The following KCMF1 variants were observed in gnomAD, a reference collection of about 807,000 sequenced individuals.
KCMF1 encodes the protein E3 ubiquitin-protein ligase KCMF1.
KCMF1 carries 3 observed loss-of-function variants against 41.1 expected under a neutral mutation model. The observed-to-expected ratio is 0.07, with a 90% CI of 0.03 to 0.19. KCMF1 has a LOEUF of 0.19. KCMF1 is among the 10% of genes least tolerant of loss of function. The pLI, the probability that KCMF1 is intolerant of heterozygous loss-of-function variation, is 1.00. For missense variants in KCMF1, 286 were observed against 488.9 expected, an observed-to-expected ratio of 0.58 and a Z score of 3.91; for synonymous variants, 142 against 164.5, an observed-to-expected ratio of 0.86 and a Z score of 1.04.
chr2:85,017,518 T>C (rs1222627660), intron 1 of KCMF1, among the ~76,000 whole-genome samples: 2 of 152,116 alleles, frequency 1.3e-5, no homozygotes, highest in Admixed American at 6.6e-5. Flanking sequence ...CTTGAAGAGA[T>C]AATACACAGA....
intron 1 of KCMF1, among the ~76,000 whole-genome samples, chr2:84,982,420 T>G (rs994421608): frequency 9.4e-5 from 12 of 128,152 alleles, no homozygotes; most frequent in African/African-American, 3.0e-4. Context: ...TTTTTTTTTT[T>G]TTGAGCCAGT....
chr2:84,998,405 A>AT (rs1322071647), intron 1 of KCMF1, among the ~76,000 whole-genome samples: 1 of 151,992 alleles, frequency 6.6e-6, no homozygotes, highest in Admixed American at 6.6e-5. Context: ...TATAATACAT[A>AT]TTTATAGCAC....
At chr2:84,997,165 G>A (rs1674197262) in intron 1 of KCMF1, among the ~76,000 whole-genome samples, 1 of 152,144 alleles carries the variant, frequency 6.6e-6, no homozygotes, top group Non-Finnish European at 1.5e-5. Context: ...CATAGAACAG[G>A]TTTGCAACTT....
At chr2:85,043,772 A>G (rs112178573) in intron 4 of KCMF1, 107 bp downstream of exon 4, 7 of 758,382 alleles carry the variant, frequency 9.2e-6, no homozygotes, top group African/African-American at 8.6e-5. Flanking sequence ...CTGGTCTCAA[A>G]CTCCTGAGCT....
chr2:84,988,762 G>C (rs867404077), intron 1 of KCMF1, among the ~76,000 whole-genome samples: 86 of 152,294 alleles, frequency 5.6e-4, no homozygotes, highest in African/African-American at 2.0e-3. Context: ...ACAGACCAAA[G>C]CCCATGTTCA....
intron 1 of KCMF1, among the ~76,000 whole-genome samples, chr2:85,007,962 C>T (rs1029894950): frequency 7.9e-5 from 12 of 151,846 alleles, no homozygotes; most frequent in Non-Finnish European, 7.4e-5. Flanking sequence ...GGGGTTTCAC[C>T]ATGTTGACCA....
At chr2:85,003,567 C>T (rs1440025911) in intron 1 of KCMF1, among the ~76,000 whole-genome samples, 1 of 151,822 alleles carries the variant, frequency 6.6e-6, no homozygotes, top group Admixed American at 6.6e-5. Flanking sequence ...TTGTTTTATG[C>T]ACAAGCTTAT....
At chr2:84,978,249 G>A (rs541754299) in intron 1 of KCMF1, among the ~76,000 whole-genome samples, 5 of 152,040 alleles carry the variant, frequency 3.3e-5, no homozygotes, top group African/African-American at 7.2e-5. Flanking sequence ...CACCCGCCTC[G>A]GCCTCCCAAA....
At chr2:85,046,629 CAA>C (rs1252387892) in intron 5 of KCMF1, among the ~76,000 whole-genome samples, 31 of 76,746 alleles carry the variant, frequency 4.0e-4, no homozygotes, top group East Asian at 4.2e-4. Context: ...GACCCTGTCT[CAA>C]AAAAAAAAAA....
chr2:85,026,748 A>G (rs1251328788), intron 1 of KCMF1, among the ~76,000 whole-genome samples: 3 of 152,074 alleles, frequency 2.0e-5, no homozygotes, highest in Non-Finnish European at 4.4e-5. Flanking sequence ...TCGCCTTGCC[A>G]AAGTGCTTGG....
At chr2:85,004,825 CTATTTATT>C (rs555917547) in intron 1 of KCMF1, among the ~76,000 whole-genome samples, 1 of 151,660 alleles carries the variant, frequency 6.6e-6, no homozygotes, top group African/African-American at 2.4e-5. Flanking sequence ...GACTGTAGGC[CTATTTATT>C]TATTTATTTA....
rs1675152816 is a variant in KCMF1, at chr2:85,027,880, T to G, written c.17-9T>G. ...AACTGGTAACTAAAGATATTTCTTT[T>G]TTTTATAGGTGTCAGCTGTGATGCA... On this transcript the variant is annotated splice_polypyrimidine_tract_variant and intron_variant, in intron 1 of 6. Coordinates refer to ENST00000409785, the MANE Select transcript of KCMF1 (RefSeq NM_020122.5). The G allele has an allele frequency of 1.3e-6, 2 of 1,574,158 alleles. No individual in the cohort carries two copies. Among genetic ancestry groups the G allele is most frequent in the Non-Finnish European group, 1.7e-6 (2 of 1,161,480 alleles).
chr2:85,053,306 G>T lies in KCMF1; in HGVS notation c.1043G>T (p.Gly348Val). 6.2e-7 allele frequency: 1 copy of T among 1,613,912 alleles called. No homozygotes were observed. The highest frequency in any genetic ancestry group is 8.5e-7 in the Non-Finnish European group (1 of 1,179,894). The change falls in exon 7 of 7, where the codon GGT becomes GTT. Residue 348 changes from glycine (G) to valine (V), a missense_variant. By Grantham distance (109) the Gly-to-Val change is moderately radical. Coordinates refer to ENST00000409785, the MANE Select transcript of KCMF1 (RefSeq NM_020122.5). ...GATCGGGGGGAGATGGCAGATTTTG[G>T]TGCTATGGGCTGTGTAGATATTATG... ...EDDRGEMADFGAMGCVDIMPL... is the reference protein window; with the variant it reads ...EDDRGEMADFVAMGCVDIMPL...
intron 1 of KCMF1, among the ~76,000 whole-genome samples, chr2:85,014,706 C>CGCGT (rs200633560): frequency 5.5e-4 from 81 of 146,522 alleles, no homozygotes; most frequent in Admixed American, 2.3e-3. Context: ...TACTGGCGCG[C>CGCGT]GCGTGCGTGC....
At chr2:85,008,369 T>TTA (rs1175773309) in intron 1 of KCMF1, among the ~76,000 whole-genome samples, 512 of 9,150 alleles carry the variant, frequency 0.056, 38 homozygotes, top group Middle Eastern at 0.17. Context: ...ATATTATATA[T>TTA]CATATGATAT....
intron 1 of KCMF1, among the ~76,000 whole-genome samples, chr2:85,016,383 T>G (rs911763476): frequency 2.8e-4 from 42 of 152,112 alleles, no homozygotes; most frequent in Admixed American, 1.8e-3. Context: ...GTATATTTAA[T>G]AGATCTTTTT....
intron 5 of KCMF1, among the ~76,000 whole-genome samples, chr2:85,047,120 C>T (rs1305517930): frequency 6.6e-6 from 1 of 152,072 alleles, no homozygotes. Context: ...GTATCTCCTG[C>T]AGGTAAAGGG....
intron 1 of KCMF1, among the ~76,000 whole-genome samples, chr2:84,979,594 C>T (rs111993848): frequency 9.2e-5 from 14 of 151,414 alleles, no homozygotes; most frequent in African/African-American, 1.7e-4. Context: ...TCAAAGGAAG[C>T]GCTCCCTAAA....
chr2:85,032,620 G>A (rs143441819), intron 2 of KCMF1, among the ~76,000 whole-genome samples: 1 of 151,902 alleles, frequency 6.6e-6, no homozygotes, highest in Non-Finnish European at 1.5e-5. Flanking sequence ...TAGGTGATCC[G>A]CCCACCTTGG....
Sources: gnomAD v4.1 joint callset for allele counts (sites outside exome capture counted in the v4.1 genomes callset) on GRCh38, gnomAD v4.1.1 for gene constraint, MANE v1.5 for transcripts, NCBI Gene and HGNC (gene_info 2026-07-23, HGNC 2026-07-21) for gene names.